Variants in SLC26A7 observed in about 807,000 individuals in gnomAD.
SLC26A7 encodes anion exchange transporter.
SLC26A7 carries 59 observed loss-of-function variants against 82.5 expected under a neutral mutation model. The observed-to-expected ratio is 0.72, with a 90% CI of 0.58 to 0.89. SLC26A7 has a LOEUF of 0.89. SLC26A7 is among the 40% of genes least tolerant of loss of function. SLC26A7 has a pLI of 0.00. For missense variants in SLC26A7, 820 were observed against 793.0 expected (o/e 1.03, Z -0.41); for synonymous variants, 271 against 274.3 (o/e 0.99, Z 0.12).
intron 9 of SLC26A7, among the ~76,000 whole-genome samples, chr8:91,345,567 A>G (rs72667807): frequency 3.9e-4 from 60 of 152,338 alleles, no homozygotes; most frequent in Non-Finnish European, 6.3e-4. Context: ...TGTTATTTAG[A>G]AAATAATTAA....
chr8:91,211,225 TA>T (rs761746194), intron 1 of SLC26A7, among the ~76,000 whole-genome samples: 3 of 152,050 alleles, frequency 2.0e-5, no homozygotes, highest in Non-Finnish European at 4.4e-5. Context: ...TTTTGCTTTA[TA>T]AAAACCATGG....
intron 1 of SLC26A7, among the ~76,000 whole-genome samples, chr8:91,213,440 G>C (rs1809973660): frequency 6.6e-6 from 1 of 152,196 alleles, no homozygotes; most frequent in Admixed American, 6.5e-5. Context: ...CAGTACTCAT[G>C]TCACTTATCA....
At chr8:91,281,661 G>A (rs550052879) in intron 2 of SLC26A7, among the ~76,000 whole-genome samples, 31 of 152,246 alleles carry the variant, frequency 2.0e-4, no homozygotes, top group African/African-American at 7.2e-4. Context: ...ACTGGATCAA[G>A]GTATATATGT....
intron 2 of SLC26A7, among the ~76,000 whole-genome samples, chr8:91,280,301 A>G (rs1811534575): frequency 6.6e-6 from 1 of 152,340 alleles, no homozygotes; most frequent in Admixed American, 6.5e-5. Context: ...GCCTCCCAAC[A>G]TATGTAAGAT....
At chr8:91,252,229 A>G (rs1036612136) in intron 2 of SLC26A7, among the ~76,000 whole-genome samples, 9 of 152,074 alleles carry the variant, frequency 5.9e-5, no homozygotes, top group Non-Finnish European at 1.0e-4. Context: ...ACCTACAAAG[A>G]TAGAATGTTT....
chr8:91,339,433 T>C (rs1247700879), intron 7 of SLC26A7, among the ~76,000 whole-genome samples: 2 of 152,136 alleles, frequency 1.3e-5, no homozygotes, highest in African/African-American at 4.8e-5. Context: ...ATTCACCTTG[T>C]GATGTTAAAT....
At chr8:91,227,592 G>A (rs1810255131) in intron 2 of SLC26A7, among the ~76,000 whole-genome samples, 1 of 152,022 alleles carries the variant, frequency 6.6e-6, no homozygotes, top group Admixed American at 6.6e-5. Flanking sequence ...TTTTCACAAT[G>A]GTATTAGTTG....
At chr8:91,393,655 C>G in intron 16 of SLC26A7, 142 bp from the exon 17 acceptor site, 1 of 803,908 alleles carries the variant, frequency 1.2e-6, no homozygotes, top group Non-Finnish European at 2.0e-6. Context: ...TTATGCCTGA[C>G]TGTGTAACAA....
rs757868657 is a variant in SLC26A7, at chr8:91,352,993, T to C, written c.1311T>C (p.Asp437=). 5 of 1,603,282 alleles carry C rather than the reference T, an allele frequency of 3.1e-6. No homozygotes were observed. The highest frequency in any genetic ancestry group is 4.3e-6 in the Non-Finnish European group (5 of 1,174,062). The change falls in exon 11 of 19, where the codon GAT becomes GAC. Residue 437 remains aspartate, a synonymous_variant. Coordinates refer to ENST00000276609, the MANE Select transcript of SLC26A7 (RefSeq NM_052832.4). ...LKKYWNVDKI[D]WGIWVSTYVF... is the part of the protein sequence containing the mutation. ...AATATTGGAATGTGGATAAAATCGATTGGGTAAGTAGAAATTTGACCTAAA... is the reference window on the plus strand; with the variant it reads ...AATATTGGAATGTGGATAAAATCGACTGGGTAAGTAGAAATTTGACCTAAA...
upstream of SLC26A7, among the ~76,000 whole-genome samples, chr8:91,248,238 C>A (rs1412557564): frequency 1.3e-5 from 2 of 152,052 alleles, no homozygotes; most frequent in Non-Finnish European, 2.9e-5. Flanking sequence ...CCCCCCCACC[C>A]CGCTGCGTCT....
intron 4 of SLC26A7, among the ~76,000 whole-genome samples, chr8:91,296,856 A>G (rs1240912394): frequency 6.6e-6 from 1 of 152,132 alleles, no homozygotes; most frequent in Non-Finnish European, 1.5e-5. Flanking sequence ...ATGTCAGCCT[A>G]TTCTGAGGCT....
intron 2 of SLC26A7, among the ~76,000 whole-genome samples, chr8:91,236,827 A>C (rs1336421520): frequency 6.6e-6 from 1 of 152,198 alleles, no homozygotes; most frequent in African/African-American, 2.4e-5. Flanking sequence ...TTACTACATA[A>C]AATTTATATA....
At chr8:91,306,240 A>T (rs1295271554) in intron 4 of SLC26A7, among the ~76,000 whole-genome samples, 3 of 152,092 alleles carry the variant, frequency 2.0e-5, no homozygotes, top group African/African-American at 7.2e-5. Flanking sequence ...CCTATCCAGC[A>T]ATACTCCCTT....
chr8:91,300,323 T>G (rs1490207973), intron 4 of SLC26A7, among the ~76,000 whole-genome samples: 3 of 152,186 alleles, frequency 2.0e-5, no homozygotes, highest in Non-Finnish European at 4.4e-5. Context: ...GATTTTTGCG[T>G]GTTAATTTTG....
intron 18 of SLC26A7, chr8:91,394,719 G>A: frequency 9.0e-7 from 1 of 1,108,234 alleles, no homozygotes; most frequent in African/African-American, 1.6e-5. Context: ...CATATATTGA[G>A]TGCCCTCATT....
chr8:91,242,513 A>G (rs1810488185), intron 2 of SLC26A7, among the ~76,000 whole-genome samples: 2 of 152,180 alleles, frequency 1.3e-5, no homozygotes, highest in African/African-American at 4.8e-5. Context: ...CCCCAGTGTG[A>G]TGGAATCTAG....
At chr8:91,224,410 T>A (rs555532613) in intron 2 of SLC26A7, among the ~76,000 whole-genome samples, 21 of 152,182 alleles carry the variant, frequency 1.4e-4, no homozygotes, top group Non-Finnish European at 2.8e-4. Context: ...ACTTTCTGCA[T>A]GTTTGTTTTC....
intron 11 of SLC26A7, among the ~76,000 whole-genome samples, chr8:91,359,333 C>T (rs959468237): frequency 4.6e-5 from 7 of 151,938 alleles, no homozygotes; most frequent in South Asian, 2.1e-4. Flanking sequence ...CCATAGTTTC[C>T]GATTATAGTG....
In SLC26A7 at chr8:91,363,492, A is replaced by G; in HGVS notation, c.1442A>G (p.Lys481Arg). Reference sequence around the variant, plus strand: ...TTCAGAGCAATGACTGTAAGTATAAAAAATATGAAAGAAATGGAATTTAAA... The same window carrying G: ...TTCAGAGCAATGACTGTAAGTATAAGAAATATGAAAGAAATGGAATTTAAA... ...RFPRAMTVSI[K>R]NMKEMEFKVK... Residue 481 changes from lysine (K) to arginine (R), a missense_variant, in exon 13 of 19, where the codon AAA (lysine) becomes AGA (arginine). Lys to Arg is a conservative substitution (Grantham distance 26). Transcript: ENST00000276609. 1 of 1,508,544 alleles carries G rather than the reference A, an allele frequency of 6.6e-7. No individual in the cohort carries two copies. 93.4% of individuals were successfully genotyped at this position (1,508,544 alleles called of 1,614,324 possible).
Sources: allele counts gnomAD v4.1 joint callset (sites outside exome capture counted in the v4.1 genomes callset), GRCh38; gene constraint gnomAD v4.1.1; transcripts MANE v1.5; gene names NCBI Gene and HGNC (gene_info 2026-07-23, HGNC 2026-07-21).